The following SH3PXD2A variants were observed in gnomAD, a reference collection of about 807,000 sequenced individuals.
SH3PXD2A encodes SH3 and PX domain-containing protein 2A.
SH3PXD2A carries 32 observed loss-of-function variants against 115.2 expected under a neutral mutation model. The ratio of observed to expected loss-of-function variants is 0.28; its 90% CI spans 0.21 to 0.37. The LOEUF (loss-of-function observed/expected upper bound fraction) is 0.37, where lower values mean the gene tolerates loss of function less well. Ranked by LOEUF, SH3PXD2A falls within the 10% of genes least tolerant of loss-of-function variation. SH3PXD2A has a pLI of 1.00. For synonymous variants in SH3PXD2A, 610 were observed against 629.1 expected (o/e 0.97, Z 0.45); for missense variants, 1,328 against 1,498.7 (o/e 0.89, Z 1.88).
At chr10:103,628,821 G>A (rs1336949792) in intron 8 of SH3PXD2A, among the ~76,000 whole-genome samples, 1 of 152,200 alleles carries the variant, frequency 6.6e-6, no homozygotes, top group Non-Finnish European at 1.5e-5. Context: ...CCCACTGCTG[G>A]TGAAGCAATG....
chr10:103,672,687 C>T (rs568422754), intron 6 of SH3PXD2A, among the ~76,000 whole-genome samples: 94 of 152,340 alleles, frequency 6.2e-4, no homozygotes, highest in Non-Finnish European at 1.1e-3. Context: ...GGGGAAAAAA[C>T]ACCTGCCCTG....
intron 8 of SH3PXD2A, among the ~76,000 whole-genome samples, chr10:103,655,447 GC>G (rs1396877853): frequency 6.6e-6 from 1 of 152,144 alleles, no homozygotes; most frequent in Non-Finnish European, 1.5e-5. Flanking sequence ...CAGAATCTAA[GC>G]AAGATGTAGA....
At chr10:103,656,453 G>A (rs1299121004) in intron 8 of SH3PXD2A, among the ~76,000 whole-genome samples, 2 of 152,352 alleles carry the variant, frequency 1.3e-5, no homozygotes, top group South Asian at 2.1e-4. Flanking sequence ...AGAAACCAAC[G>A]CCACTCAAAC....
At chr10:103,706,810 C>CG (rs2037986313) in intron 5 of SH3PXD2A, among the ~76,000 whole-genome samples, 2 of 152,152 alleles carry the variant, frequency 1.3e-5, no homozygotes, top group Non-Finnish European at 2.9e-5. Context: ...CTTTCCCCCC[C>CG]GAGTAGAGCT....
At chr10:103,693,880 A>G (rs2037792507) in intron 5 of SH3PXD2A, among the ~76,000 whole-genome samples, 1 of 152,140 alleles carries the variant, frequency 6.6e-6, no homozygotes, top group South Asian at 2.1e-4. Flanking sequence ...GCTGTCAGAG[A>G]AAGTAACTGC....
At chr10:103,670,844 GC>G (rs1337952660) in intron 6 of SH3PXD2A, among the ~76,000 whole-genome samples, 1 of 152,256 alleles carries the variant, frequency 6.6e-6, no homozygotes, top group Admixed American at 6.5e-5. Context: ...AGCTGGTATG[GC>G]CAAGGAGGTC....
At chr10:103,832,381 A>AG (rs1407646200) in intron 1 of SH3PXD2A, among the ~76,000 whole-genome samples, 7 of 151,844 alleles carry the variant, frequency 4.6e-5, no homozygotes, top group East Asian at 3.9e-4. Flanking sequence ...AAAAAAAAAA[A>AG]AAAGAAAAGA....
At chr10:103,790,845 T>A (rs2039028347) in intron 2 of SH3PXD2A, among the ~76,000 whole-genome samples, 1 of 152,214 alleles carries the variant, frequency 6.6e-6, no homozygotes, top group South Asian at 2.1e-4. Context: ...TGCCAGATAC[T>A]TGTCATCCTG....
chr10:103,740,384 T>G (rs1288681867), intron 3 of SH3PXD2A, among the ~76,000 whole-genome samples: 2 of 152,120 alleles, frequency 1.3e-5, no homozygotes, highest in Non-Finnish European at 2.9e-5. Context: ...TGGATTTTAT[T>G]CTGCATGTGA....
chr10:103,807,076 C>G (rs374170972), intron 1 of SH3PXD2A, among the ~76,000 whole-genome samples: 1 of 152,184 alleles, frequency 6.6e-6, no homozygotes, highest in African/African-American at 2.4e-5. Flanking sequence ...CCTCTATTAG[C>G]CTTGCTCCTT....
intron 1 of SH3PXD2A, among the ~76,000 whole-genome samples, chr10:103,820,189 T>G (rs1468579716): frequency 6.6e-6 from 1 of 152,186 alleles, no homozygotes; most frequent in Non-Finnish European, 1.5e-5. Flanking sequence ...TCTCCCCTCC[T>G]GCTCCCAAAC....
intron 3 of SH3PXD2A, among the ~76,000 whole-genome samples, chr10:103,766,698 A>T (rs2038758320): frequency 1.3e-5 from 2 of 152,198 alleles, no homozygotes; most frequent in South Asian, 4.2e-4. Context: ...GGACTGGAGG[A>T]GATCAGATCA....
intron 8 of SH3PXD2A, among the ~76,000 whole-genome samples, chr10:103,636,370 C>G (rs973223460): frequency 1.3e-5 from 2 of 149,748 alleles, no homozygotes; most frequent in African/African-American, 5.0e-5. Flanking sequence ...GATCGTACCA[C>G]TGCACTCCAG....
At chr10:103,814,666 A>T (rs959899014) in intron 1 of SH3PXD2A, among the ~76,000 whole-genome samples, 1 of 152,238 alleles carries the variant, frequency 6.6e-6, no homozygotes, top group Non-Finnish European at 1.5e-5. Context: ...ACACTTACAA[A>T]GTCTTAAGCA....
intron 2 of SH3PXD2A, among the ~76,000 whole-genome samples, chr10:103,768,711 C>T (rs2038784982): frequency 1.3e-5 from 2 of 152,134 alleles, no homozygotes; most frequent in South Asian, 4.1e-4. Context: ...GTGACTTGGA[C>T]CAAGGTGTTA....
intron 6 of SH3PXD2A, among the ~76,000 whole-genome samples, chr10:103,677,016 T>C (rs542421737): frequency 1.8e-4 from 27 of 152,276 alleles, no homozygotes; most frequent in African/African-American, 6.3e-4. Flanking sequence ...AAGTCAGCAG[T>C]CGCTGGTCTC....
rs574526423 is a variant in SH3PXD2A at position 103,661,535 on chromosome 10, G to A, written c.473-421C>T. On this transcript the variant is annotated intron_variant, in intron 7 of 14. Transcript: ENST00000369774. ...CTCTCGGGCCGGCAGGGGCATCGGG[G>A]AGGGCGGCGAGCCAGCGGGTGGGCG... 15 of 513,004 alleles carry A rather than the reference G, an allele frequency of 2.9e-5. No homozygotes were observed. The South Asian group carries it at 1.2e-3, about 40-fold the overall frequency. The allele number at this position is 513,004 out of a possible 1,614,324, so 31.8% of individuals were successfully genotyped here. A position where few individuals can be genotyped will look rare whatever the true frequency, so the allele number is the denominator to read the frequency against.
chr10:103,698,124 G>A (rs1186675851), intron 5 of SH3PXD2A, among the ~76,000 whole-genome samples: 16 of 152,218 alleles, frequency 1.1e-4, no homozygotes, highest in South Asian at 2.1e-4. Flanking sequence ...GCAGGCCCTC[G>A]CTGGGGAATG....
In SH3PXD2A at chr10:103,602,553, C is replaced by T. The variant is rs1020623940; in HGVS notation, c.2665G>A (p.Ala889Thr). ...TCCAGCACCAAATAGTGGGAAGGGG[C>T]CCAGCCCTCCAGCTCCCCAAACCTC... ...YVRFGELEGW[A>T]PSHYLVLDEN... The change falls in exon 15 of 15, where the codon GCC becomes ACC. Residue 889 changes from alanine to threonine, a missense_variant. Ala to Thr is a moderately conservative substitution (Grantham distance 58, BLOSUM62 0). Transcript: ENST00000369774. 8.1e-6 allele frequency: 13 copies of T among 1,614,030 alleles called. No individual in the cohort carries two copies. The Admixed American group carries it at 2.0e-4, about 25-fold the overall frequency.
Sources: gnomAD v4.1 joint callset for allele counts (sites outside exome capture counted in the v4.1 genomes callset) on GRCh38, gnomAD v4.1.1 for gene constraint, MANE v1.5 for transcripts, NCBI Gene and HGNC (gene_info 2026-07-23, HGNC 2026-07-21) for gene names.